LSAMP: variants seen among roughly 807,000 people sequenced by gnomAD.
The protein encoded by LSAMP is limbic system-associated membrane protein.
Under a neutral mutation model 38.6 loss-of-function variants are expected in LSAMP, and 7 were observed. The observed-to-expected ratio is 0.18, with a 90% CI of 0.10 to 0.34. The LOEUF (loss-of-function observed/expected upper bound fraction) is 0.34, where lower values mean the gene tolerates loss of function less well. Ranked by LOEUF, LSAMP falls within the 10% of genes least tolerant of loss-of-function variation. LSAMP has a pLI of 1.00. For missense variants in LSAMP, 313 were observed against 420.0 expected (o/e 0.75, Z 2.23); for synonymous variants, 154 against 166.8 (o/e 0.92, Z 0.59).
At chr3:116,437,225 C>A (rs2049365288) in intron 1 of LSAMP, among the ~76,000 whole-genome samples, 1 of 151,642 alleles carries the variant, frequency 6.6e-6, no homozygotes, top group Non-Finnish European at 1.5e-5. Flanking sequence ...GACACAAAGG[C>A]ATAAGAATGA....
At chr3:115,841,699 T>A (rs1935001593) in intron 6 of LSAMP, 146 bp downstream of exon 6, 1 of 787,990 alleles carries the variant, frequency 1.3e-6, no homozygotes, top group Non-Finnish European at 1.9e-6. Context: ...TGCACAGGAG[T>A]TGAGAACCCT....
At chr3:115,822,276 T>C (rs927272897) in intron 6 of LSAMP, among the ~76,000 whole-genome samples, 9 of 152,006 alleles carry the variant, frequency 5.9e-5, no homozygotes, top group African/African-American at 2.2e-4. Flanking sequence ...AGAGTCAAAA[T>C]AGAGAAATGG....
intron 1 of LSAMP, among the ~76,000 whole-genome samples, chr3:116,285,197 G>A (rs1049932050): frequency 6.6e-6 from 1 of 152,070 alleles, no homozygotes; most frequent in African/African-American, 2.4e-5. Context: ...TTTGCACCAG[G>A]TGATCTTTTA....
At chr3:115,811,429 T>A (rs1311473679) in intron 6 of LSAMP, among the ~76,000 whole-genome samples, 1 of 152,036 alleles carries the variant, frequency 6.6e-6, no homozygotes, top group African/African-American at 2.4e-5. Flanking sequence ...GAAAAAATAG[T>A]ATTTTTCACT....
intron 1 of LSAMP, among the ~76,000 whole-genome samples, chr3:116,295,729 G>T (rs35300468): frequency 0.24 from 36,940 of 151,934 alleles, 7,581 homozygotes; most frequent in African/African-American, 0.56. Context: ...TTTAGAAGGG[G>T]AACAAAAAGG....
chr3:115,838,384 C>T (rs2107497310), intron 6 of LSAMP, among the ~76,000 whole-genome samples: 1 of 152,310 alleles, frequency 6.6e-6, no homozygotes, highest in Middle Eastern at 3.4e-3. Flanking sequence ...AGTTATCAGT[C>T]TGGAAACACA....
chr3:116,076,354 T>TC, intron 2 of LSAMP, among the ~76,000 whole-genome samples: 1 of 152,028 alleles, frequency 6.6e-6, no homozygotes, highest in Middle Eastern at 3.4e-3. Flanking sequence ...ACCTCCCGGG[T>TC]TCACACCATT....
intron 1 of LSAMP, among the ~76,000 whole-genome samples, chr3:116,410,176 A>C (rs1002997409): frequency 6.6e-6 from 1 of 151,934 alleles, no homozygotes; most frequent in Non-Finnish European, 1.5e-5. Flanking sequence ...CTCAATCACG[A>C]CTCTAAGTGA....
intron 1 of LSAMP, among the ~76,000 whole-genome samples, chr3:116,104,208 A>T (rs1708411609): frequency 6.6e-6 from 1 of 152,214 alleles, no homozygotes; most frequent in East Asian, 1.9e-4. Context: ...GATTTATCCT[A>T]ATCACCAGCT....
At chr3:116,182,092 A>G (rs1161116235) in intron 1 of LSAMP, among the ~76,000 whole-genome samples, 3 of 151,906 alleles carry the variant, frequency 2.0e-5, no homozygotes, top group Non-Finnish European at 2.9e-5. Flanking sequence ...ATAGTCTCCA[A>G]ATGTGTTATG....
intron 1 of LSAMP, among the ~76,000 whole-genome samples, chr3:116,191,505 G>A (rs571617374): frequency 6.6e-6 from 1 of 152,064 alleles, no homozygotes; most frequent in Non-Finnish European, 1.5e-5. Flanking sequence ...CTGCAGCCCA[G>A]GAAGGTTAAG....
At chr3:116,372,345 G>C (rs1211798369) in intron 1 of LSAMP, among the ~76,000 whole-genome samples, 2 of 151,994 alleles carry the variant, frequency 1.3e-5, no homozygotes, top group African/African-American at 4.8e-5. Flanking sequence ...AAATGGTGCT[G>C]GGAAAACTGG....
At chr3:116,216,512 A>G (rs997917298) in intron 1 of LSAMP, among the ~76,000 whole-genome samples, 1 of 152,120 alleles carries the variant, frequency 6.6e-6, no homozygotes, top group South Asian at 2.1e-4. Context: ...TACTCTTAAC[A>G]TCTTGTATGA....
intron 3 of LSAMP, among the ~76,000 whole-genome samples, chr3:115,910,505 T>C (rs1222447621): frequency 6.6e-6 from 1 of 152,184 alleles, no homozygotes; most frequent in African/African-American, 2.4e-5. Flanking sequence ...AAAATTCACA[T>C]GCAGTTTTAA....
rs796801927 is a variant in LSAMP, at chr3:115,808,144, CCCT to C, written c.*2170_*2172del. The C allele has an allele frequency of 2.6e-5, 2 of 77,174 alleles. No homozygotes were observed. The highest frequency in any genetic ancestry group is 1.2e-4 in the African/African-American group (2 of 17,076). 4.8% of individuals were successfully genotyped at this position (77,174 alleles called of 1,614,324 possible). On this transcript the variant is annotated 3_prime_UTR_variant, in exon 7 of 7. Coordinates refer to ENST00000490035, the MANE Select transcript of LSAMP (RefSeq NM_002338.5). ...TCCCTCCCTCCCTCCCTCCCTCCCT[CCCT>C]CCCCCCCTTCCCCGTCCCCCCCTCC...
At chr3:116,231,433 T>TCCC (rs2046401566) in intron 1 of LSAMP, among the ~76,000 whole-genome samples, 1 of 152,172 alleles carries the variant, frequency 6.6e-6, no homozygotes, top group African/African-American at 2.4e-5. Flanking sequence ...TTCTTTTAAA[T>TCCC]TAGCACAATG....
chr3:115,818,888 C>T (rs1047572265), intron 6 of LSAMP, among the ~76,000 whole-genome samples: 16 of 143,886 alleles, frequency 1.1e-4, no homozygotes, highest in South Asian at 4.6e-4. Flanking sequence ...GGAGGCTGGG[C>T]GCGGCTCACA....
At chr3:116,386,618 G>A (rs760869906) in intron 1 of LSAMP, among the ~76,000 whole-genome samples, 3 of 152,096 alleles carry the variant, frequency 2.0e-5, no homozygotes, top group African/African-American at 7.2e-5. Flanking sequence ...GAATGCAGAC[G>A]CACATCACCA....
intron 3 of LSAMP, among the ~76,000 whole-genome samples, chr3:115,875,980 A>G (rs1343842561): frequency 6.6e-6 from 1 of 152,032 alleles, no homozygotes; most frequent in African/African-American, 2.4e-5. Context: ...CCTAACTTCC[A>G]CAAACAGGTA....
Sources: gnomAD v4.1 joint callset for allele counts (sites outside exome capture counted in the v4.1 genomes callset) on GRCh38, gnomAD v4.1.1 for gene constraint, MANE v1.5 for transcripts, NCBI Gene and HGNC (gene_info 2026-07-23, HGNC 2026-07-21) for gene names.